The following BOC variants were observed in gnomAD, a reference collection of about 807,000 sequenced individuals.
BOC encodes the protein brother of CDO.
A neutral mutation model predicts 112.0 loss-of-function variants in BOC; 76 were observed. The ratio of observed to expected loss-of-function variants is 0.68; its 90% CI spans 0.56 to 0.82. The LOEUF is 0.82. Among genes scored for constraint, BOC ranks in the 40% least tolerant of loss-of-function variants. The probability of loss-of-function intolerance (pLI) is 0.00; values close to 1 mark genes in which losing one functional copy is unlikely to be tolerated. For missense variants in BOC, 1,309 were observed against 1,511.7 expected (o/e 0.87, Z 2.22); for synonymous variants, 580 against 599.8 (o/e 0.97, Z 0.48).
In BOC at chr3:113,278,153, G is replaced by T. The variant is rs149038528; in HGVS notation, c.1601G>T (p.Arg534Leu). Residue 534 changes from arginine to leucine, a missense_variant, in exon 10 of 20, where the codon CGC (arginine) becomes CTC (leucine). Arg to Leu is a moderately radical substitution (Grantham distance 102, BLOSUM62 -2). Transcript: ENST00000682979. This position sits in a 1 kb window ranked among gnomAD's most constrained non-coding sequence, Gnocchi z 4.2. Reference sequence around the variant, plus strand: ...TCTGGCATTCCAGCCAACCAGCACCGCCTGACCCTCACCAGACTTGACCCC... The same window carrying T: ...TCTGGCATTCCAGCCAACCAGCACCTCCTGACCCTCACCAGACTTGACCCC... ...TISGIPANQH[R>L]LTLTRLDPGS... is the part of the protein sequence containing the mutation. 9.3e-6 allele frequency: 15 copies of T among 1,614,056 alleles called. No individual in the cohort carries two copies. In the African/African-American group the frequency reaches 1.9e-4, roughly 20 times the overall value.
chr3:113,268,504 C>T, intron 5 of BOC, 59 bp downstream of exon 5: 1 of 1,531,966 alleles, frequency 6.5e-7, no homozygotes, highest in South Asian at 1.2e-5. Context: ...TGGCCTCCTC[C>T]AACCGCTCGC....
chr3:113,216,804 A>G (rs1275948798), intron 2 of BOC, among the ~76,000 whole-genome samples: 3 of 152,222 alleles, frequency 2.0e-5, no homozygotes, highest in Admixed American at 2.0e-4. Flanking sequence ...TTGGGCAGTA[A>G]GAGGAAATCA....
chr3:113,273,040 C>T (rs773695205), intron 7 of BOC, 29 bp from the exon 8 acceptor site: 62 of 1,578,758 alleles, frequency 3.9e-5, no homozygotes, highest in Non-Finnish European at 5.1e-5. Context: ...AGACACAGCC[C>T]TTCTCACCCT....
At chr3:113,238,611 A>G (rs1943879546) in intron 2 of BOC, among the ~76,000 whole-genome samples, 1 of 152,238 alleles carries the variant, frequency 6.6e-6, no homozygotes, top group Non-Finnish European at 1.5e-5. Context: ...TTATTATGCC[A>G]TAATTTACAG....
intron 2 of BOC, among the ~76,000 whole-genome samples, chr3:113,237,502 G>A (rs1357726848): frequency 6.6e-6 from 1 of 152,158 alleles, no homozygotes; most frequent in Non-Finnish European, 1.5e-5. Context: ...CAGCCCAGTG[G>A]CTATAGGACG....
rs529662318 is a variant in BOC at position 113,284,593 on chromosome 3, C to A, written c.2889+26C>A. 15 of 1,596,106 alleles carry A rather than the reference C, an allele frequency of 9.4e-6. No individual in the cohort carries two copies. The East Asian group carries it at 3.2e-4, about 34-fold the overall frequency. On this transcript the variant is annotated intron_variant, in intron 17 of 19. Transcript: ENST00000682979. Reference sequence around the variant, plus strand: ...GTAGCGCATTCTTGGGTGTGGGCGGCAGGTATGGGACACCCAGGAGGGAGT... The same window carrying A: ...GTAGCGCATTCTTGGGTGTGGGCGGAAGGTATGGGACACCCAGGAGGGAGT...
At position 113,238,084 on chromosome 3, in the gene BOC, G is replaced by T. The variant is rs907413714; in HGVS notation, c.-81-11638G>T. Among the ~76,000 whole-genome samples, 13 of 152,200 alleles carry T rather than the reference G, an allele frequency of 8.5e-5. No individual in the cohort carries two copies. In the East Asian group the frequency reaches 2.5e-3, roughly 29 times the overall value. On this transcript the variant is annotated intron_variant, in intron 2 of 19. Transcript: ENST00000682979. ...GGTGTGTGAGATGCTACGGGAACCA[G>T]AATGAGGAACAGCCACAGAAGGCTT...
In BOC at chr3:113,280,511, T is replaced by G. The variant is rs760072889; in HGVS notation, c.2206-47T>G. On this transcript the variant is annotated intron_variant, in intron 13 of 19. Coordinates refer to ENST00000682979, the MANE Select transcript of BOC (RefSeq NM_001378074.1). ...TACACCAGTGGTTTTGCTTTGATGA[T>G]GTTTTCTCTGCCCATTGTCAACTTG... 3 of 1,369,834 alleles carry G rather than the reference T, an allele frequency of 2.2e-6. No homozygotes were observed. In the African/African-American group the frequency reaches 4.3e-5, roughly 20 times the overall value. 84.9% of individuals were successfully genotyped at this position (1,369,834 alleles called of 1,614,324 possible). A position where few individuals can be genotyped will look rare whatever the true frequency, so the allele number is the denominator to read the frequency against.
chr3:113,218,226 C>T (rs1386472199), intron 2 of BOC, among the ~76,000 whole-genome samples: 3 of 152,210 alleles, frequency 2.0e-5, no homozygotes, highest in African/African-American at 4.8e-5. Flanking sequence ...AACTGGACTT[C>T]GGAAGAGAGC....
chr3:113,256,733 A>G (rs1247614003), intron 4 of BOC, among the ~76,000 whole-genome samples: 1 of 151,912 alleles, frequency 6.6e-6, no homozygotes, highest in Non-Finnish European at 1.5e-5. Context: ...TTCTCCAGAG[A>G]AGCAGAACCA....
In BOC at chr3:113,286,728, T is replaced by A; in HGVS notation, c.3214T>A (p.Ser1072Thr). Residue 1072 changes from serine (S) to threonine (T), a missense_variant, in exon 20 of 20, where the codon TCC (serine) becomes ACC (threonine). By Grantham distance (58) the Ser-to-Thr change is moderately conservative. Coordinates refer to ENST00000682979, the MANE Select transcript of BOC (RefSeq NM_001378074.1). ...VPVEEVDSPD[S>T]CQVSGGDWCP... ...AGTTGAAGAGGTGGACAGTCCTGAC[T>A]CCTGCCAAGTGAGTGGAGGAGACTG... 1 of 1,613,450 alleles carries A rather than the reference T, an allele frequency of 6.2e-7. No individual in the cohort carries two copies.
intron 7 of BOC, 75 bp downstream of exon 7, chr3:113,272,778 A>C (rs1207482031): frequency 2.0e-6 from 3 of 1,511,586 alleles, no homozygotes; most frequent in Non-Finnish European, 2.7e-6. Context: ...AATGTAACCC[A>C]GGCTCACAAA....
intron 18 of BOC, 148 bp from the exon 19 acceptor site, chr3:113,285,224 T>C: frequency 1.5e-6 from 1 of 688,814 alleles, no homozygotes; most frequent in East Asian, 2.7e-5. Flanking sequence ...GTGGTACCTC[T>C]TGATGTTCAA....
At chr3:113,220,897 A>G (rs1354295395) in intron 2 of BOC, among the ~76,000 whole-genome samples, 1 of 152,184 alleles carries the variant, frequency 6.6e-6, no homozygotes, top group Non-Finnish European at 1.5e-5. Flanking sequence ...AAGTTTCCGG[A>G]GTTCCCATCT....
chr3:113,279,078 GGCA>G (rs1948936995), intron 11 of BOC, among the ~76,000 whole-genome samples, 168 bp from the exon 12 acceptor site: 2 of 152,212 alleles, frequency 1.3e-5, no homozygotes, highest in Non-Finnish European at 2.9e-5. Flanking sequence ...TCAAAGCCCA[GGCA>G]GCCGTGGGGA....
intron 2 of BOC, among the ~76,000 whole-genome samples, chr3:113,236,769 C>G (rs1416154363): frequency 6.6e-6 from 1 of 152,022 alleles, no homozygotes; most frequent in Non-Finnish European, 1.5e-5. Context: ...ATCTATAAGC[C>G]AAAAAGGTGG....
chr3:113,249,730 C>T lies in BOC; in HGVS notation c.-73C>T. 1 of 1,271,158 alleles carries T rather than the reference C, an allele frequency of 7.9e-7. No homozygotes were observed. Among genetic ancestry groups the T allele is most frequent in the South Asian group, 1.3e-5 (1 of 74,578 alleles). The allele number at this position is 1,271,158 out of a possible 1,614,324, so 78.7% of individuals were successfully genotyped here. A position where few individuals can be genotyped will look rare whatever the true frequency, so the allele number is the denominator to read the frequency against. On this transcript the variant is annotated 5_prime_UTR_variant, in exon 3 of 20. Transcript: ENST00000682979. ...TTTCTCTCTTACAACAGAGTGTTGC[C>T]AGGGACGGCAGTATCTCTTTGTGTG...
chr3:113,274,767 C>T lies in BOC; in HGVS notation c.1542+85C>T, dbSNP rs1948491104. The stretch of plus-strand genomic sequence containing the variant: ...AGAGTCACTGTCTCTTGGCCATCTC[C>T]CCTTGAGCTCCTGAAGCCTGAGCCG... On this transcript the variant is annotated intron_variant, in intron 9 of 19. Coordinates refer to ENST00000682979, the MANE Select transcript of BOC (RefSeq NM_001378074.1). The surrounding 1 kb of genome is among the most constrained non-coding windows in gnomAD (Gnocchi z 4.8). 1 of 1,372,634 alleles carries T rather than the reference C, an allele frequency of 7.3e-7. No individual in the cohort carries two copies. Among genetic ancestry groups the T allele is most frequent in the Middle Eastern group, 2.7e-4 (1 of 3,726 alleles). 85.0% of individuals were successfully genotyped at this position (1,372,634 alleles called of 1,614,324 possible). A position where few individuals can be genotyped will look rare whatever the true frequency, so the allele number is the denominator to read the frequency against.
At chr3:113,223,674 C>T (rs532178835) in intron 2 of BOC, among the ~76,000 whole-genome samples, 53 of 152,266 alleles carry the variant, frequency 3.5e-4, no homozygotes, top group South Asian at 1.0e-3. Context: ...TTTGCCTTTT[C>T]CTGAATGTCA....
Sources: allele counts gnomAD v4.1 joint callset (sites outside exome capture counted in the v4.1 genomes callset), GRCh38; gene constraint gnomAD v4.1.1; non-coding constraint Gnocchi (gnomAD v3.1); transcripts MANE v1.5; gene names NCBI Gene and HGNC (gene_info 2026-07-23, HGNC 2026-07-21).